The following ADGRB3 variants were observed in gnomAD, a reference collection of about 807,000 sequenced individuals.
ADGRB3 encodes adhesion G protein-coupled receptor B3.
Under a neutral mutation model 193.4 loss-of-function variants are expected in ADGRB3, and 37 were observed. That is an observed-to-expected ratio of 0.19 (90% CI 0.15 to 0.25). The LOEUF is 0.25. Ranked by LOEUF, ADGRB3 falls within the 10% of genes least tolerant of loss-of-function variation. The pLI is 1.00. For missense variants in ADGRB3, 1,637 were observed against 1,852.9 expected (o/e 0.88, Z 2.14); for synonymous variants, 690 against 644.2 (o/e 1.07, Z -1.08).
At chr6:69,141,692 A>G (rs1248967511) in intron 17 of ADGRB3, among the ~76,000 whole-genome samples, 1 of 152,120 alleles carries the variant, frequency 6.6e-6, no homozygotes. Context: ...ATCATCATAA[A>G]GATCTAAGTT....
chr6:68,751,269 G>A (rs767065541), intron 3 of ADGRB3, among the ~76,000 whole-genome samples: 6 of 152,098 alleles, frequency 3.9e-5, no homozygotes, highest in East Asian at 3.9e-4. Flanking sequence ...GACTTCTACC[G>A]TGTTTCATGG....
At chr6:69,124,428 C>T (rs1472789850) in intron 17 of ADGRB3, among the ~76,000 whole-genome samples, 10 of 152,074 alleles carry the variant, frequency 6.6e-5, no homozygotes, top group African/African-American at 1.2e-4. Flanking sequence ...AATTCTGTAG[C>T]GGCCAACTTA....
intron 17 of ADGRB3, among the ~76,000 whole-genome samples, chr6:69,215,314 TG>T (rs1311047427): frequency 1.3e-5 from 2 of 152,204 alleles, no homozygotes; most frequent in Admixed American, 6.5e-5. Context: ...GGGATATCTG[TG>T]TACTATTTTT....
intron 5 of ADGRB3, among the ~76,000 whole-genome samples, chr6:68,941,705 A>C (rs1767646997): frequency 6.6e-6 from 1 of 152,020 alleles, no homozygotes; most frequent in African/African-American, 2.4e-5. Flanking sequence ...AAATTGGAGG[A>C]GAAAAGGTTG....
At chr6:68,636,131 A>T (rs1767943297) in intron 1 of ADGRB3, 131 bp downstream of exon 1, 1 of 152,410 alleles carries the variant, frequency 6.6e-6, no homozygotes, top group Non-Finnish European at 1.5e-5. Context: ...GGCTGTGAGC[A>T]GATCCGACTG....
intron 3 of ADGRB3, among the ~76,000 whole-genome samples, chr6:68,695,852 A>T (rs1477226762): frequency 6.6e-6 from 1 of 151,526 alleles, no homozygotes; most frequent in Non-Finnish European, 1.5e-5. Context: ...AGTGCTTTTG[A>T]CCCTACAGAG....
At chr6:68,774,769 T>C (rs955420240) in intron 3 of ADGRB3, among the ~76,000 whole-genome samples, 1 of 152,060 alleles carries the variant, frequency 6.6e-6, no homozygotes, top group African/African-American at 2.4e-5. Flanking sequence ...AATATGTTAT[T>C]ATAAAACACT....
At chr6:69,334,499 C>CT (rs904543839) in intron 24 of ADGRB3, among the ~76,000 whole-genome samples, 1 of 152,084 alleles carries the variant, frequency 6.6e-6, no homozygotes. Flanking sequence ...CATTTAGAGG[C>CT]TTTTTTCACT....
intron 3 of ADGRB3, among the ~76,000 whole-genome samples, chr6:68,854,537 A>T (rs1051286426): frequency 3.4e-4 from 51 of 148,894 alleles, no homozygotes; most frequent in Non-Finnish European, 5.9e-4. Context: ...AATCTAAAAA[A>T]TTTTTTTTTG....
At chr6:68,824,514 A>T (rs1393031455) in intron 3 of ADGRB3, among the ~76,000 whole-genome samples, 1 of 148,628 alleles carries the variant, frequency 6.7e-6, no homozygotes, top group Non-Finnish European at 1.5e-5. Context: ...TATTTCCTAT[A>T]CATATAATAT....
At chr6:69,043,958 G>A (rs927732768) in intron 13 of ADGRB3, among the ~76,000 whole-genome samples, 3 of 152,106 alleles carry the variant, frequency 2.0e-5, no homozygotes, top group Admixed American at 1.3e-4. Flanking sequence ...GGAGAATGGC[G>A]TGAACCCGGA....
At position 69,170,129 on chromosome 6, in the gene ADGRB3, A is replaced by G. The variant is rs142775029; in HGVS notation, c.2481-63161A>G. ...AGGGACCCCTGAATGCTAAAATGTC[A>G]TGAACACTTCACTAGCATTTTAGAC... On this transcript the variant is annotated intron_variant, in intron 17 of 31. Transcript: ENST00000370598. Among the ~76,000 whole-genome samples, 479 of 152,284 alleles carry G rather than the reference A, an allele frequency of 3.1e-3. 5 individuals are homozygous for G. The highest frequency in any genetic ancestry group is 0.028 in the South Asian group (137 of 4,818).
At chr6:69,128,896 C>T (rs114984599) in intron 17 of ADGRB3, among the ~76,000 whole-genome samples, 1 of 152,142 alleles carries the variant, frequency 6.6e-6, no homozygotes, top group Non-Finnish European at 1.5e-5. Flanking sequence ...CTTCTCACTT[C>T]AAGTTGCAGA....
At chr6:69,166,083 C>A (rs1036267801) in intron 17 of ADGRB3, among the ~76,000 whole-genome samples, 8 of 152,078 alleles carry the variant, frequency 5.3e-5, no homozygotes, top group African/African-American at 1.9e-4. Flanking sequence ...TCACTAATAT[C>A]CACCACATTT....
At chr6:68,731,615 T>C (rs943491495) in intron 3 of ADGRB3, among the ~76,000 whole-genome samples, 13 of 151,664 alleles carry the variant, frequency 8.6e-5, no homozygotes, top group Non-Finnish European at 1.3e-4. Context: ...GCTCCTGTTT[T>C]ATACTTCTGC....
intron 10 of ADGRB3, 74 bp from the exon 11 acceptor site, chr6:68,993,694 G>A: frequency 7.0e-7 from 1 of 1,435,224 alleles, no homozygotes. Context: ...TTTAAATAAA[G>A]TTGTTTGATG....
intron 3 of ADGRB3, among the ~76,000 whole-genome samples, chr6:68,666,559 A>C (rs994221233): frequency 1.3e-5 from 2 of 151,854 alleles, no homozygotes; most frequent in African/African-American, 4.8e-5. Flanking sequence ...CCAGAGAATA[A>C]CATTGTGGTT....
At chr6:69,186,318 T>A (rs886638532) in intron 17 of ADGRB3, among the ~76,000 whole-genome samples, 4 of 152,080 alleles carry the variant, frequency 2.6e-5, no homozygotes, top group Non-Finnish European at 1.5e-5. Flanking sequence ...TAGATCTAAA[T>A]GCATTTTATT....
intron 3 of ADGRB3, among the ~76,000 whole-genome samples, chr6:68,794,937 A>G (rs895474363): frequency 2.0e-5 from 3 of 152,212 alleles, no homozygotes; most frequent in Middle Eastern, 3.4e-3. Flanking sequence ...AAATCAGAGT[A>G]TTTTTGATGA....
Sources: allele counts gnomAD v4.1 joint callset (sites outside exome capture counted in the v4.1 genomes callset), GRCh38; gene constraint gnomAD v4.1.1; transcripts MANE v1.5; gene names NCBI Gene and HGNC (gene_info 2026-07-23, HGNC 2026-07-21).